Variants in UNKL observed in about 807,000 individuals in gnomAD.
UNKL encodes putative E3 ubiquitin-protein ligase UNKL.
A neutral mutation model predicts 78.0 loss-of-function variants in UNKL; 60 were observed. The observed-to-expected ratio is 0.77, with a 90% CI of 0.63 to 0.95. The LOEUF (loss-of-function observed/expected upper bound fraction) is 0.95, where lower values mean the gene tolerates loss of function less well. Among genes scored for constraint, UNKL ranks in the 40% least tolerant of loss-of-function variants. UNKL has a pLI of 0.00. For missense variants in UNKL, 1,159 were observed against 1,045.7 expected (o/e 1.11, Z -1.49); for synonymous variants, 608 against 474.8 (o/e 1.28, Z -3.65).
At chr16:1,369,842 G>A in intron 12 of UNKL, 1 of 1,093,754 alleles carries the variant, frequency 9.1e-7, no homozygotes, top group Non-Finnish European at 1.3e-6. Context: ...GGGCGTGGTG[G>A]CGCCCGCCTG....
Position 1,367,198 on chromosome 16 carries a change from G to A in UNKL, c.1940C>T (p.Ser647Phe), listed in dbSNP as rs760310327. Residue 647 changes from serine to phenylalanine, a missense_variant, in exon 14 of 15, where the codon TCC becomes TTC. Physicochemically the swap from Ser to Phe is radical, Grantham distance 155. Transcript: ENST00000389221. ...ACAGCCCCGCAGCCCCGGCAGTGTGGAGGCTACGCCCAGGCCCTCCAGCTC... is the reference window on the plus strand; with the variant it reads ...ACAGCCCCGCAGCCCCGGCAGTGTGAAGGCTACGCCCAGGCCCTCCAGCTC... ...QEELEGLGVA[S>F]TLPGLRGCGD... is the part of the protein sequence containing the mutation. 12 of 1,605,822 alleles carry A rather than the reference G, an allele frequency of 7.5e-6. No homozygotes were observed. In the South Asian group the frequency reaches 7.8e-5, roughly 10 times the overall value.
chr16:1,402,338 T>C (rs1375504471), intron 3 of UNKL, among the ~76,000 whole-genome samples: 1 of 152,202 alleles, frequency 6.6e-6, no homozygotes, highest in Non-Finnish European at 1.5e-5. Flanking sequence ...AAACACACAG[T>C]GAGAAGAGCT....
Position 1,371,594 on chromosome 16 carries a change from G to A in UNKL, c.1282C>T (p.His428Tyr). 3.3e-6 allele frequency: 5 copies of A among 1,536,180 alleles called. No individual in the cohort carries two copies. Among genetic ancestry groups the A allele is most frequent in the Non-Finnish European group, 2.6e-6 (3 of 1,146,904 alleles). Reference protein sequence around the residue: ...EAVLGSALDLHLSNVNIASLE... With the variant: ...EAVLGSALDLYLSNVNIASLE... ...GATGCAATATTCACATTGCTAAGAT[G>A]CAGGTCTAACGCAGAACCTGTCAAC... The change falls in exon 11 of 15, where the codon CAT (histidine) becomes TAT (tyrosine). Residue 428 changes from histidine (H) to tyrosine (Y), a missense_variant. Transcript: ENST00000389221.
chr16:1,365,946 G>T lies in UNKL; in HGVS notation c.*294C>A. The T allele has an allele frequency of 3.4e-6, 1 of 295,888 alleles. No homozygotes were observed. The highest frequency in any genetic ancestry group is 6.3e-6 in the Non-Finnish European group (1 of 158,756). 18.3% of individuals were successfully genotyped at this position (295,888 alleles called of 1,614,324 possible). A position where few individuals can be genotyped will look rare whatever the true frequency, so the allele number is the denominator to read the frequency against. ...TGATCACAGCGCCGCGTGGATCCCG[G>T]AGGCACCAGGCCCCTCAGGGACAGG... is the stretch of plus-strand genomic sequence containing the variant. On this transcript the variant is annotated 3_prime_UTR_variant, in exon 15 of 15. Coordinates refer to ENST00000389221, the MANE Select transcript of UNKL (RefSeq NM_001372107.1).
chr16:1,367,930 GC>G, intron 12 of UNKL, 72 bp from the exon 13 acceptor site: 1 of 1,362,996 alleles, frequency 7.3e-7, no homozygotes, highest in Non-Finnish European at 1.0e-6. Flanking sequence ...TGGGTGCTAT[GC>G]CCCAGGCCCC....
intron 10 of UNKL, among the ~76,000 whole-genome samples, chr16:1,379,847 A>G (rs2142059258): frequency 6.6e-6 from 1 of 152,244 alleles, no homozygotes; most frequent in South Asian, 2.1e-4. Context: ...TGGGCGGGCA[A>G]GTGGGCGCGG....
At chr16:1,369,339 T>G (rs1341452056) in intron 12 of UNKL, among the ~76,000 whole-genome samples, 1 of 151,684 alleles carries the variant, frequency 6.6e-6, no homozygotes, top group African/African-American at 2.4e-5. Flanking sequence ...AGTGCTGGGA[T>G]GACAGGCGTG....
chr16:1,406,142 G>C, intron 2 of UNKL: 3 of 437,794 alleles, frequency 6.9e-6, no homozygotes, highest in East Asian at 7.1e-5. Context: ...ATAGGTGGGG[G>C]GCCCAGAGCA....
At chr16:1,404,953 G>A (rs952570606) in intron 2 of UNKL, among the ~76,000 whole-genome samples, 2 of 152,126 alleles carry the variant, frequency 1.3e-5, no homozygotes, top group African/African-American at 2.4e-5. Flanking sequence ...CAGCACTTTG[G>A]GGGGCAGAGA....
At chr16:1,385,028 T>G (rs2142089665) in intron 10 of UNKL, among the ~76,000 whole-genome samples, 180 bp downstream of exon 10, 1 of 152,342 alleles carries the variant, frequency 6.6e-6, no homozygotes, top group South Asian at 2.1e-4. Context: ...AGTCAGGGCT[T>G]GTTTCCACAA....
rs1469545805 is a variant in UNKL, at chr16:1,385,191, G to A, written c.1264+17C>T. On this transcript the variant is annotated intron_variant, in intron 10 of 14. Coordinates refer to ENST00000389221, the MANE Select transcript of UNKL (RefSeq NM_001372107.1). The stretch of plus-strand genomic sequence containing the variant: ...CAGAAGGAGGTCAGGGAGAAAGGAG[G>A]ACGGTGCTGGACTTACCGAGGACGG... 4 of 1,249,404 alleles carry A rather than the reference G, an allele frequency of 3.2e-6. No individual in the cohort carries two copies. Among genetic ancestry groups the A allele is most frequent in the East Asian group, 6.3e-5 (2 of 31,512 alleles). 77.4% of individuals were successfully genotyped at this position (1,249,404 alleles called of 1,614,324 possible).
chr16:1,400,822 G>A lies in UNKL; in HGVS notation c.598+746C>T, dbSNP rs2037493300. Among the ~76,000 whole-genome samples the A allele has an allele frequency of 2.0e-5, 3 of 152,002 alleles. No homozygotes were observed. The South Asian group carries it at 6.3e-4, about 32-fold the overall frequency. On this transcript the variant is annotated intron_variant, in intron 4 of 14. Transcript: ENST00000389221. The stretch of plus-strand genomic sequence containing the variant: ...CCAGCCTCAGCCTCCCAAGTAGCTG[G>A]GATTACAGGCGCCCACCACCACAAC...
rs1026639133 is a variant in UNKL, at chr16:1,399,713, G to A, written c.599-204C>T. Among the ~76,000 whole-genome samples the A allele has an allele frequency of 1.3e-5, 2 of 152,210 alleles. No individual in the cohort carries two copies. The highest frequency in any genetic ancestry group is 1.9e-4 in the East Asian group (1 of 5,190). ...AAGCCGGGCCAGAAGGCCACGTGGT[G>A]TGATTCTGTTTATGTGAAAATGCCC... On this transcript the variant is annotated intron_variant, in intron 4 of 14. Transcript: ENST00000389221. This position sits in a 1 kb window ranked among gnomAD's most constrained non-coding sequence, Gnocchi z 5.8.
intron 4 of UNKL, among the ~76,000 whole-genome samples, chr16:1,400,941 G>A (rs779015520): frequency 6.6e-5 from 10 of 152,104 alleles, no homozygotes; most frequent in African/African-American, 1.7e-4. Flanking sequence ...TGCCCGCCTC[G>A]GCCTCCCAAA....
Position 1,367,876 on chromosome 16 carries a change from G to C in UNKL, c.1586-18C>G. On this transcript the variant is annotated intron_variant, in intron 12 of 14. Transcript: ENST00000389221. ...GTTCAAACCTGAGTGTGAAACGGTC[G>C]ATGACGGCCCAGCCCTGCTGTGCTC... is the stretch of plus-strand genomic sequence containing the variant. The C allele has an allele frequency of 6.5e-7, 1 of 1,543,468 alleles. No individual in the cohort carries two copies. The highest frequency in any genetic ancestry group is 8.7e-7 in the Non-Finnish European group (1 of 1,142,874).
rs1029555511 is a variant in UNKL at position 1,367,988 on chromosome 16, G to C, written c.1586-130C>G. The C allele has an allele frequency of 2.9e-5, 24 of 818,474 alleles. No individual in the cohort carries two copies. The African/African-American group carries it at 3.8e-4, about 13-fold the overall frequency. 50.7% of individuals were successfully genotyped at this position (818,474 alleles called of 1,614,324 possible). A position where few individuals can be genotyped will look rare whatever the true frequency, so the allele number is the denominator to read the frequency against. ...GGGGCTCACCTGCCCTGGCAGCAGG[G>C]GTGCAGCCACGCCTGCCCCTTGCCC... On this transcript the variant is annotated intron_variant, in intron 12 of 14. Coordinates refer to ENST00000389221, the MANE Select transcript of UNKL (RefSeq NM_001372107.1).
chr16:1,366,044 G>GCCTTTCCT lies in UNKL; in HGVS notation c.*195_*196insAGGAAAGG. ...TTGAAACCGTCGGTAGGACTAGATA[G>GCCTTTCCT]GTGACAACGTGTGACAGGAAAGGCT... On this transcript the variant is annotated 3_prime_UTR_variant, in exon 15 of 15. Coordinates refer to ENST00000389221, the MANE Select transcript of UNKL (RefSeq NM_001372107.1). The GCCTTTCCT allele has an allele frequency of 1.7e-6, 1 of 580,518 alleles. No individual in the cohort carries two copies. The highest frequency in any genetic ancestry group is 3.2e-5 in the South Asian group (1 of 31,522). The allele number at this position is 580,518 out of a possible 1,614,324, so 36.0% of individuals were successfully genotyped here. A position where few individuals can be genotyped will look rare whatever the true frequency, so the allele number is the denominator to read the frequency against.
In UNKL at chr16:1,385,546, G is replaced by C. The variant is rs535181395; in HGVS notation, c.1087-161C>G. The C allele has an allele frequency of 1.2e-4, 74 of 631,296 alleles. 1 individual carries two copies. In the South Asian group the frequency reaches 2.8e-3, roughly 24 times the overall value. The allele number at this position is 631,296 out of a possible 1,614,324, so 39.1% of individuals were successfully genotyped here. On this transcript the variant is annotated intron_variant, in intron 9 of 14. Transcript: ENST00000389221. ...GACCCGGAGGGACTCTGACCGCACC[G>C]AGGAGAAACACCAGGACGGCAGGGC...
Position 1,370,314 on chromosome 16 carries a change from G to A in UNKL, c.1401C>T (p.Gly467=). ...LAGSAPVAIP[G]SLPRAPSLHS... ...GTAGCGATGGTGCTCTGGGCAGGGA[G>A]CCGGGGATGGCGACAGGTGCAGAGC... Residue 467 remains glycine, a synonymous_variant, in exon 12 of 15, where the codon GGC becomes GGT. Transcript: ENST00000389221. The A allele has an allele frequency of 1.3e-6, 2 of 1,533,534 alleles. No individual in the cohort carries two copies. The highest frequency in any genetic ancestry group is 1.7e-6 in the Non-Finnish European group (2 of 1,145,978). The allele number at this position is 1,533,534 out of a possible 1,614,324, so 95.0% of individuals were successfully genotyped here.
Sources: gnomAD v4.1 joint callset for allele counts (sites outside exome capture counted in the v4.1 genomes callset) on GRCh38, gnomAD v4.1.1 for gene constraint, Gnocchi (gnomAD v3.1) non-coding constraint, MANE v1.5 for transcripts, NCBI Gene and HGNC (gene_info 2026-07-23, HGNC 2026-07-21) for gene names.